CSMD1: variants seen among roughly 807,000 people sequenced by gnomAD.
CSMD1 encodes CUB and Sushi multiple domains 1.
Under a neutral mutation model 417.5 loss-of-function variants are expected in CSMD1, and 213 were observed. That is an observed-to-expected ratio of 0.51 (90% confidence interval 0.46 to 0.57). The LOEUF (loss-of-function observed/expected upper bound fraction) is 0.57, where lower values mean the gene tolerates loss of function less well. Ranked by LOEUF, CSMD1 falls within the 20% of genes least tolerant of loss-of-function variation. The pLI is 0.00. For synonymous variants in CSMD1, 2,862 were observed against 1,736.8 expected, an observed-to-expected ratio of 1.65 and a Z score of -16.11; for missense variants, 6,923 against 4,529.7, an observed-to-expected ratio of 1.53 and a Z score of -15.17.
At chr8:4,772,063 C>T (rs765641716) in intron 1 of CSMD1, among the ~76,000 whole-genome samples, 1 of 152,192 alleles carries the variant, frequency 6.6e-6, no homozygotes, top group Non-Finnish European at 1.5e-5. Context: ...AACCAGGTAT[C>T]GGCAGGCTGT....
chr8:3,841,726 A>G (rs758332757), intron 5 of CSMD1, among the ~76,000 whole-genome samples: 2 of 152,120 alleles, frequency 1.3e-5, no homozygotes, highest in African/African-American at 4.8e-5. Context: ...AAACTACAAT[A>G]GTTCCCTCCT....
At chr8:4,434,034 A>G (rs1434680733) in intron 2 of CSMD1, among the ~76,000 whole-genome samples, 1 of 152,160 alleles carries the variant, frequency 6.6e-6, no homozygotes, top group Non-Finnish European at 1.5e-5. Context: ...ATGACAAGGA[A>G]TTTTAAATAT....
intron 5 of CSMD1, among the ~76,000 whole-genome samples, chr8:3,777,121 T>TACACACAC (rs3028584): frequency 6.1e-5 from 9 of 146,512 alleles, no homozygotes; most frequent in African/African-American, 1.0e-4. Context: ...TATCTATACC[T>TACACACAC]ACACACACAC....
At chr8:3,243,110 G>C (rs1013470684) in intron 26 of CSMD1, among the ~76,000 whole-genome samples, 16 of 152,168 alleles carry the variant, frequency 1.1e-4, no homozygotes, top group African/African-American at 3.9e-4. Context: ...CGACAAGATT[G>C]AAAGGAGAAA....
At chr8:4,321,135 G>C (rs1585227107) in intron 3 of CSMD1, among the ~76,000 whole-genome samples, 1 of 152,110 alleles carries the variant, frequency 6.6e-6, no homozygotes, top group Non-Finnish European at 1.5e-5. Context: ...AAGGCAGGAA[G>C]AGTGTCAAAC....
chr8:4,064,322 G>A (rs2130751760), intron 3 of CSMD1, among the ~76,000 whole-genome samples: 1 of 152,262 alleles, frequency 6.6e-6, no homozygotes, highest in South Asian at 2.1e-4. Flanking sequence ...TCCATATGGT[G>A]TTTCATAGTC....
intron 7 of CSMD1, among the ~76,000 whole-genome samples, chr8:3,686,729 G>A (rs112229819): frequency 1.3e-5 from 2 of 152,246 alleles, no homozygotes; most frequent in South Asian, 2.1e-4. Flanking sequence ...GCCTTGCCAC[G>A]TTTCACAAGC....
chr8:4,071,399 T>A (rs932901817), intron 3 of CSMD1, among the ~76,000 whole-genome samples: 5 of 151,966 alleles, frequency 3.3e-5, no homozygotes, highest in East Asian at 1.9e-4. Flanking sequence ...AAACCTACTT[T>A]AAAAAAAATT....
At chr8:3,950,087 T>C in intron 5 of CSMD1, 1 of 440,850 alleles carries the variant, frequency 2.3e-6, no homozygotes, top group Non-Finnish European at 4.5e-6. Flanking sequence ...AAAGAAAATC[T>C]TCCTTAAAGG....
At chr8:4,313,986 C>G (rs1012828748) in intron 3 of CSMD1, among the ~76,000 whole-genome samples, 1 of 151,464 alleles carries the variant, frequency 6.6e-6, no homozygotes, top group African/African-American at 2.4e-5. Context: ...TGCACTCCAG[C>G]CTGGGCAACA....
At chr8:4,944,615 G>A (rs866956860) in intron 1 of CSMD1, among the ~76,000 whole-genome samples, 9 of 152,140 alleles carry the variant, frequency 5.9e-5, no homozygotes, top group African/African-American at 1.4e-4. Context: ...ATTCAAAAAT[G>A]TATGCGGACT....
intron 1 of CSMD1, among the ~76,000 whole-genome samples, chr8:4,846,537 C>T (rs556461202): frequency 6.6e-6 from 1 of 152,218 alleles, no homozygotes. Flanking sequence ...GGTCCAGCCA[C>T]AGGCTCCTGT....
chr8:4,080,950 C>A (rs1004407966), intron 3 of CSMD1, among the ~76,000 whole-genome samples: 6 of 152,080 alleles, frequency 3.9e-5, no homozygotes, highest in Admixed American at 6.6e-5. Context: ...GGGACTCTAC[C>A]CTCCTGAATC....
chr8:3,303,955 A>G (rs1352251392), intron 25 of CSMD1, among the ~76,000 whole-genome samples: 2 of 106,836 alleles, frequency 1.9e-5, no homozygotes, highest in Non-Finnish European at 4.4e-5. Flanking sequence ...CCCCATTATA[A>G]TAACTATTTT....
intron 3 of CSMD1, among the ~76,000 whole-genome samples, chr8:4,239,994 A>C (rs751846115): frequency 6.6e-6 from 1 of 152,242 alleles, no homozygotes; most frequent in Non-Finnish European, 1.5e-5. Context: ...TTAAAAATAC[A>C]TAAGGCGTGT....
chr8:4,125,450 G>A (rs1296078801), intron 3 of CSMD1, among the ~76,000 whole-genome samples: 1 of 152,152 alleles, frequency 6.6e-6, no homozygotes, highest in African/African-American at 2.4e-5. Flanking sequence ...GATGTCCCAT[G>A]TCTCCCTAAA....
intron 5 of CSMD1, among the ~76,000 whole-genome samples, chr8:3,754,437 T>A (rs898689640): frequency 1.5e-5 from 2 of 130,326 alleles, no homozygotes; most frequent in Non-Finnish European, 3.2e-5. Flanking sequence ...TAATTCCTTA[T>A]TTATTTATTT....
chr8:2,946,355 A>G (rs570899355), intron 68 of CSMD1, among the ~76,000 whole-genome samples: 3 of 152,192 alleles, frequency 2.0e-5, no homozygotes, highest in South Asian at 2.1e-4. Flanking sequence ...TGTCCCTCCA[A>G]AAGAATCTCA....
intron 1 of CSMD1, among the ~76,000 whole-genome samples, chr8:4,673,763 G>T (rs1014743217): frequency 7.2e-5 from 11 of 152,222 alleles, no homozygotes; most frequent in African/African-American, 2.2e-4. Flanking sequence ...GTCACAAAAG[G>T]TCACACATTG....
Sources: gnomAD v4.1 joint callset for allele counts (sites outside exome capture counted in the v4.1 genomes callset) on GRCh38, gnomAD v4.1.1 for gene constraint, MANE v1.5 for transcripts, NCBI Gene and HGNC (gene_info 2026-07-23, HGNC 2026-07-21) for gene names.